The following PTK7 variants were observed in gnomAD, a reference collection of about 807,000 sequenced individuals.
PTK7 encodes protein tyrosine kinase 7 (inactive), also known as inactive tyrosine-protein kinase 7.
A neutral mutation model predicts 116.6 loss-of-function variants in PTK7; 39 were observed. That is an observed-to-expected ratio of 0.33 (90% CI 0.26 to 0.44). PTK7 has a LOEUF of 0.44. Among genes scored for constraint, PTK7 ranks in the 20% least tolerant of loss-of-function variants. The pLI, the probability that PTK7 is intolerant of heterozygous loss-of-function variation, is 1.00. For synonymous variants in PTK7, 546 were observed against 563.6 expected, an observed-to-expected ratio of 0.97 and a Z score of 0.44; for missense variants, 1,169 against 1,425.6, an observed-to-expected ratio of 0.82 and a Z score of 2.90.
intron 17 of PTK7, among the ~76,000 whole-genome samples, chr6:43,153,239 T>C (rs372733670): frequency 2.0e-5 from 3 of 151,708 alleles, no homozygotes; most frequent in East Asian, 3.9e-4. Context: ...GCCTCCCGAG[T>C]AGCTGGGACT....
chr6:43,142,038 A>G lies in PTK7; in HGVS notation c.1876A>G (p.Lys626Glu). 1 of 1,613,860 alleles carries G rather than the reference A, an allele frequency of 6.2e-7. No individual in the cohort carries two copies. Among genetic ancestry groups the G allele is most frequent in the Non-Finnish European group, 8.5e-7 (1 of 1,179,940 alleles). Residue 626 changes from lysine (K) to glutamate (E), a missense_variant, in exon 12 of 20, where the codon AAA becomes GAA. This residue lies in a region of PTK7 where 678 missense variants were observed against 853.8 expected (regional missense o/e 0.79). Coordinates refer to ENST00000230419, the MANE Select transcript of PTK7 (RefSeq NM_002821.5). ...QGDPKPLIQW[K>E]GKDRILDPTK... Reference sequence around the variant, plus strand: ...GGACCCCAAGCCGCTGATTCAGTGGAAAGGCAAGGACCGCATCCTGGACCC... The same window carrying G: ...GGACCCCAAGCCGCTGATTCAGTGGGAAGGCAAGGACCGCATCCTGGACCC...
intron 1 of PTK7, among the ~76,000 whole-genome samples, chr6:43,101,668 C>G (rs1286071407): frequency 1.3e-5 from 2 of 151,982 alleles, no homozygotes; most frequent in Non-Finnish European, 2.9e-5. Flanking sequence ...TGTCACAGAG[C>G]CAAGGAACAG....
At chr6:43,123,810 G>A (rs1261126811) in intron 1 of PTK7, among the ~76,000 whole-genome samples, 7 of 152,188 alleles carry the variant, frequency 4.6e-5, no homozygotes, top group Non-Finnish European at 5.9e-5. Context: ...AGCCCGGTAC[G>A]GCAGGCTCAT....
chr6:43,155,400 T>G (rs1047871679), intron 17 of PTK7, among the ~76,000 whole-genome samples: 5 of 152,142 alleles, frequency 3.3e-5, no homozygotes, highest in African/African-American at 1.2e-4. Context: ...TCCCAGTGCT[T>G]TGGGAGCCGA....
intron 17 of PTK7, among the ~76,000 whole-genome samples, chr6:43,157,147 T>A (rs1363222680): frequency 6.8e-6 from 1 of 147,414 alleles, no homozygotes; most frequent in Non-Finnish European, 1.5e-5. Flanking sequence ...AACTCTTGAG[T>A]GCTAGCATTG....
At chr6:43,142,435 A>C in intron 13 of PTK7, 136 bp downstream of exon 13, 1 of 1,315,772 alleles carries the variant, frequency 7.6e-7, no homozygotes, top group Non-Finnish European at 1.1e-6. Flanking sequence ...CCGTCTCACC[A>C]TGCTGCTGCA....
intron 1 of PTK7, among the ~76,000 whole-genome samples, chr6:43,078,340 CA>C (rs377689313): frequency 1.1e-3 from 174 of 151,556 alleles, no homozygotes; most frequent in African/African-American, 3.6e-3. Context: ...GTAGTCTCCT[CA>C]GGGGTGGGGG....
At chr6:43,146,486 A>C in intron 16 of PTK7, 132 bp from the exon 17 acceptor site, 2 of 731,604 alleles carry the variant, frequency 2.7e-6, no homozygotes, top group Non-Finnish European at 4.5e-6. Flanking sequence ...CCCCCTGGGA[A>C]AGGGGCCCAG....
At chr6:43,151,510 G>A (rs1395551630) in intron 17 of PTK7, among the ~76,000 whole-genome samples, 1 of 132,230 alleles carries the variant, frequency 7.6e-6, no homozygotes, top group African/African-American at 2.9e-5. Flanking sequence ...CCGCGCCCAA[G>A]CCCCGTTTTT....
Position 43,161,083 on chromosome 6 carries a change from T to TG in PTK7, c.*205dup. 1.4e-6 allele frequency: 1 copy of TG among 723,952 alleles called. No homozygotes were observed. The highest frequency in any genetic ancestry group is 2.2e-6 in the Non-Finnish European group (1 of 462,838). The allele number at this position is 723,952 out of a possible 1,614,324, so 44.8% of individuals were successfully genotyped here. On this transcript the variant is annotated 3_prime_UTR_variant, in exon 20 of 20. Coordinates refer to ENST00000230419, the MANE Select transcript of PTK7 (RefSeq NM_002821.5). ...TTGGGAGGCTGACTTGGACCCAAAC[T>TG]GGGCGACTAGGGCTTTGAGCTGGGC...
Position 43,138,867 on chromosome 6 carries a change from A to G in PTK7, c.1247A>G (p.Lys416Arg). The change falls in exon 8 of 20, where the codon AAG becomes AGG. Residue 416 changes from lysine to arginine, a missense_variant. Physicochemically the swap from Lys to Arg is conservative, Grantham distance 26 (BLOSUM62 2). This residue lies in a region of PTK7 where 4 missense variants were observed against 22.0 expected (regional missense o/e 0.18). Coordinates refer to ENST00000230419, the MANE Select transcript of PTK7 (RefSeq NM_002821.5). Reference sequence around the variant, plus strand: ...TGTCTAGCTGTGCCCTCCTGGCTGAAGAAGCCCCAAGACAGCCAGCTGGAG... The same window carrying G: ...TGTCTAGCTGTGCCCTCCTGGCTGAGGAAGCCCCAAGACAGCCAGCTGGAG... ...ITVATVPSWLKKPQDSQLEEG... is the reference protein window; with the variant it reads ...ITVATVPSWLRKPQDSQLEEG... The G allele has an allele frequency of 1.9e-6, 3 of 1,613,758 alleles. No individual in the cohort carries two copies. Among genetic ancestry groups the G allele is most frequent in the African/African-American group, 1.3e-5 (1 of 75,048 alleles).
At chr6:43,156,393 G>C (rs2150478730) in intron 17 of PTK7, among the ~76,000 whole-genome samples, 1 of 152,082 alleles carries the variant, frequency 6.6e-6, no homozygotes, top group Non-Finnish European at 1.5e-5. Flanking sequence ...CTTGATCCCA[G>C]GAGTTTGAGA....
At chr6:43,100,835 G>C (rs1295197793) in intron 1 of PTK7, among the ~76,000 whole-genome samples, 2 of 152,032 alleles carry the variant, frequency 1.3e-5, no homozygotes, top group African/African-American at 4.8e-5. Context: ...AATCTAATGA[G>C]TTGATTAGCT....
intron 1 of PTK7, among the ~76,000 whole-genome samples, chr6:43,095,778 A>T (rs4714664): frequency 2.0e-5 from 3 of 152,274 alleles, no homozygotes; most frequent in South Asian, 4.1e-4. Flanking sequence ...ATGGATGTAC[A>T]GCTAAGGGCA....
rs11398367 is a variant in PTK7, at chr6:43,151,211, CT to C, written c.2721+4527del. Reference sequence around the variant, plus strand: ...TCCTGACATGCCATCCACCTGCCTTCTTTTTTTTTTTTTTCTTGAGACCGAG... The same window carrying C: ...TCCTGACATGCCATCCACCTGCCTTCTTTTTTTTTTTTTCTTGAGACCGAG... On this transcript the variant is annotated intron_variant, in intron 17 of 19. Coordinates refer to ENST00000230419, the MANE Select transcript of PTK7 (RefSeq NM_002821.5). 7.5e-4 allele frequency among the ~76,000 whole-genome samples: 106 copies of C among 141,814 alleles called. 1 individual carries two copies. The highest frequency in any genetic ancestry group is 3.5e-3 in the East Asian group (17 of 4,838). 93.0% of individuals were successfully genotyped at this position (141,814 alleles called of 152,430 possible).
At chr6:43,118,157 A>G (rs1236762086) in intron 1 of PTK7, among the ~76,000 whole-genome samples, 2 of 148,026 alleles carry the variant, frequency 1.4e-5, no homozygotes, top group Non-Finnish European at 3.0e-5. Context: ...GATTCAATAC[A>G]GTGGTCACCA....
intron 1 of PTK7, among the ~76,000 whole-genome samples, chr6:43,095,815 G>A (rs1767220624): frequency 6.6e-6 from 1 of 152,170 alleles, no homozygotes; most frequent in Non-Finnish European, 1.5e-5. Context: ...ACTTATTTTT[G>A]GAGGCCCTCT....
rs1165756632 is a variant in PTK7 at position 43,129,936 on chromosome 6, C to A, written c.470+107C>A. The A allele has an allele frequency of 1.8e-6, 2 of 1,100,566 alleles. No individual in the cohort carries two copies. The highest frequency in any genetic ancestry group is 2.7e-6 in the Non-Finnish European group (2 of 748,370). The allele number at this position is 1,100,566 out of a possible 1,614,324, so 68.2% of individuals were successfully genotyped here. ...TACCTCGCTCCATTCTGTGACCACTCGTTCCACCACCACAGTGCTCTTCAC... is the reference window on the plus strand; with the variant it reads ...TACCTCGCTCCATTCTGTGACCACTAGTTCCACCACCACAGTGCTCTTCAC... On this transcript the variant is annotated intron_variant, in intron 3 of 19. Transcript: ENST00000230419. This position sits in a 1 kb window ranked among gnomAD's most constrained non-coding sequence, Gnocchi z 4.5.
chr6:43,101,529 G>C (rs931959489), intron 1 of PTK7, among the ~76,000 whole-genome samples: 24 of 150,956 alleles, frequency 1.6e-4, no homozygotes, highest in African/African-American at 5.1e-4. Context: ...TCCAGCCTGG[G>C]TCACAGAGCA....
Sources: gnomAD v4.1 joint callset for allele counts (sites outside exome capture counted in the v4.1 genomes callset) on GRCh38, gnomAD v4.1.1 for gene constraint, gnomAD v4.1.1 regional missense constraint, Gnocchi (gnomAD v3.1) non-coding constraint, MANE v1.5 for transcripts, NCBI Gene and HGNC (gene_info 2026-07-23, HGNC 2026-07-21) for gene names.